RBKS: variants seen among roughly 807,000 people sequenced by gnomAD.
The protein encoded by RBKS is ribokinase.
A neutral mutation model predicts 33.9 loss-of-function variants in RBKS; 33 were observed. That is an observed-to-expected ratio of 0.97 (90% confidence interval 0.74 to 1.30). RBKS has a LOEUF of 1.30. Among genes scored for constraint, RBKS ranks in the 50% most tolerant of loss-of-function variants. The pLI is 0.00. For synonymous variants in RBKS, 125 were observed against 143.0 expected (o/e 0.87, Z 0.90); for missense variants, 361 against 392.6 (o/e 0.92, Z 0.68).
intron 1 of RBKS, among the ~76,000 whole-genome samples, chr2:27,872,514 T>TA (rs1174624957): frequency 6.6e-6 from 1 of 151,660 alleles, no homozygotes; most frequent in Admixed American, 6.6e-5. Context: ...AGCCAAAAAT[T>TA]AAAAAATAAA....
chr2:27,877,521 A>C lies in RBKS; in HGVS notation c.89+12736T>G, dbSNP rs570145604. Among the ~76,000 whole-genome samples the C allele has an allele frequency of 3.9e-5, 6 of 152,214 alleles. 1 individual carries two copies. The South Asian group carries it at 8.3e-4, about 21-fold the overall frequency. On this transcript the variant is annotated intron_variant, in intron 1 of 7. Coordinates refer to ENST00000302188, the MANE Select transcript of RBKS (RefSeq NM_022128.3). The stretch of plus-strand genomic sequence containing the variant: ...TTTTTCCCTTAGAGAGAATTTGACT[A>C]TCTCTTAATTATTTGATACCATTTA...
At chr2:27,842,073 G>A (rs1336484598) in intron 5 of RBKS, among the ~76,000 whole-genome samples, 1 of 152,088 alleles carries the variant, frequency 6.6e-6, no homozygotes, top group African/African-American at 2.4e-5. Flanking sequence ...ATTTCTATAT[G>A]CATTTTACTG....
intron 5 of RBKS, among the ~76,000 whole-genome samples, chr2:27,840,271 C>T (rs185802630): frequency 7.9e-5 from 12 of 150,980 alleles, no homozygotes; most frequent in Admixed American, 3.3e-4. Flanking sequence ...CCACCCACCT[C>T]GGCCTCCCAA....
chr2:27,828,915 T>C (rs1009208010), intron 6 of RBKS, among the ~76,000 whole-genome samples: 2 of 152,206 alleles, frequency 1.3e-5, no homozygotes, highest in African/African-American at 4.8e-5. Context: ...TATTTAGAGA[T>C]AGTATCTTGC....
chr2:27,825,851 A>G (rs1490079097), intron 7 of RBKS, among the ~76,000 whole-genome samples: 1 of 152,230 alleles, frequency 6.6e-6, no homozygotes, highest in Non-Finnish European at 1.5e-5. Context: ...ATAGTAACTA[A>G]CATGGACACT....
chr2:27,836,219 A>C (rs1281648167), intron 5 of RBKS, among the ~76,000 whole-genome samples: 1 of 152,200 alleles, frequency 6.6e-6, no homozygotes, highest in Non-Finnish European at 1.5e-5. Flanking sequence ...GTCTCAAAAA[A>C]TACTACTACT....
At chr2:27,813,505 A>G (rs974576056) in intron 7 of RBKS, among the ~76,000 whole-genome samples, 1 of 152,224 alleles carries the variant, frequency 6.6e-6, no homozygotes, top group African/African-American at 2.4e-5. Flanking sequence ...TAAACAAATT[A>G]GGCATGGCTA....
chr2:27,834,816 A>G (rs757465553), intron 5 of RBKS, among the ~76,000 whole-genome samples: 4 of 152,242 alleles, frequency 2.6e-5, no homozygotes, highest in Non-Finnish European at 5.9e-5. Context: ...CATTCTTAAA[A>G]GATCAATTTT....
chr2:27,833,030 A>T (rs553514485), intron 5 of RBKS, among the ~76,000 whole-genome samples: 10 of 152,290 alleles, frequency 6.6e-5, no homozygotes, highest in African/African-American at 2.4e-4. Context: ...GCAATATAAC[A>T]GTCAACGTGA....
intron 1 of RBKS, among the ~76,000 whole-genome samples, chr2:27,860,964 T>C (rs1348202774): frequency 6.9e-6 from 1 of 144,412 alleles, no homozygotes; most frequent in Non-Finnish European, 1.5e-5. Flanking sequence ...TGTCTCTGTC[T>C]CTCTTTCTCT....
rs1007254387 is a variant in RBKS, at chr2:27,797,656, T to TG, written c.796-15869dup. 1.5e-4 allele frequency among the ~76,000 whole-genome samples: 23 copies of TG among 152,048 alleles called. No individual in the cohort carries two copies. In the East Asian group the frequency reaches 2.5e-3, roughly 17 times the overall value. On this transcript the variant is annotated intron_variant, in intron 7 of 7. Transcript: ENST00000302188. ...GAAGCTCCAGTGAGGCTCCACTGCA[T>TG]GGGGGGTCCATTTTCCTCTGTGTGC... is the stretch of plus-strand genomic sequence containing the variant.
Position 27,832,686 on chromosome 2 carries a change from C to T in RBKS, c.606G>A (p.Glu202=), listed in dbSNP as rs1234180397. 5 of 1,604,748 alleles carry T rather than the reference C, an allele frequency of 3.1e-6. No homozygotes were observed. Among genetic ancestry groups the T allele is most frequent in the Non-Finnish European group, 4.3e-6 (5 of 1,171,822 alleles). ...AATGAGCAAAGCAATTCACCCTTAC[C>T]TCACTTTCATTGCAGCAGAACACAT... The part of the protein sequence containing the change: ...LSDVFCCNES[E]AEILTGLTVG... Residue 202 remains glutamate, a splice_region_variant and synonymous_variant, in exon 6 of 8, where the codon GAG becomes GAA. Coordinates refer to ENST00000302188, the MANE Select transcript of RBKS (RefSeq NM_022128.3).
chr2:27,796,014 A>G (rs889143103), intron 7 of RBKS, among the ~76,000 whole-genome samples: 1 of 152,108 alleles, frequency 6.6e-6, no homozygotes, highest in Non-Finnish European at 1.5e-5. Flanking sequence ...TTCTCTTCCC[A>G]TGATCTCTTC....
chr2:27,857,746 G>A (rs1274723355), intron 2 of RBKS, among the ~76,000 whole-genome samples: 1 of 152,196 alleles, frequency 6.6e-6, no homozygotes, highest in Non-Finnish European at 1.5e-5. Flanking sequence ...TACATTCAGG[G>A]AATGCAGCAT....
intron 5 of RBKS, among the ~76,000 whole-genome samples, chr2:27,839,519 AT>A (rs1348162391): frequency 6.6e-6 from 1 of 152,144 alleles, no homozygotes; most frequent in African/African-American, 2.4e-5. Context: ...CAATGCTTTC[AT>A]TTTGATAGCG....
intron 7 of RBKS, among the ~76,000 whole-genome samples, chr2:27,799,648 G>C (rs370327038): frequency 6.6e-6 from 1 of 152,226 alleles, no homozygotes; most frequent in Non-Finnish European, 1.5e-5. Flanking sequence ...GAAAGGGAGA[G>C]AGGGCAAATG....
intron 1 of RBKS, among the ~76,000 whole-genome samples, chr2:27,865,538 G>T (rs1664083240): frequency 7.1e-6 from 1 of 140,058 alleles, no homozygotes; most frequent in African/African-American, 2.6e-5. Context: ...TTCCCTGTTT[G>T]TGTGTTATAT....
chr2:27,864,193 A>G (rs1664043529), intron 1 of RBKS, among the ~76,000 whole-genome samples: 1 of 147,950 alleles, frequency 6.8e-6, no homozygotes, highest in African/African-American at 2.5e-5. Flanking sequence ...TGCCCAACTA[A>G]TTTTTTTTTT....
intron 2 of RBKS, among the ~76,000 whole-genome samples, chr2:27,854,884 G>A (rs190951489): frequency 7.2e-5 from 11 of 152,048 alleles, no homozygotes; most frequent in Admixed American, 7.2e-4. Flanking sequence ...CACAATCAGT[G>A]TAATAAACAT....
Sources: gnomAD v4.1 joint callset for allele counts (sites outside exome capture counted in the v4.1 genomes callset) on GRCh38, gnomAD v4.1.1 for gene constraint, MANE v1.5 for transcripts, NCBI Gene and HGNC (gene_info 2026-07-23, HGNC 2026-07-21) for gene names.